The following ADAMTSL1 variants were observed in gnomAD, a reference collection of about 807,000 sequenced individuals.
The protein encoded by ADAMTSL1 is ADAMTS like 1.
A neutral mutation model predicts 201.8 loss-of-function variants in ADAMTSL1; 126 were observed. The observed-to-expected ratio is 0.62, with a 90% CI of 0.54 to 0.72. The LOEUF is 0.72. Ranked by LOEUF, ADAMTSL1 falls within the 30% of genes least tolerant of loss-of-function variation. The pLI, the probability that ADAMTSL1 is intolerant of heterozygous loss-of-function variation, is 0.00. For missense variants in ADAMTSL1, 2,679 were observed against 2,277.8 expected, an observed-to-expected ratio of 1.18 and a Z score of -3.59; for synonymous variants, 1,121 against 903.4, an observed-to-expected ratio of 1.24 and a Z score of -4.32.
intron 2 of ADAMTSL1, among the ~76,000 whole-genome samples, chr9:18,446,525 C>T (rs1820198301): frequency 6.6e-6 from 1 of 152,218 alleles, no homozygotes; most frequent in South Asian, 2.1e-4. Flanking sequence ...GATGCCTGTG[C>T]AGGCAATTGG....
rs564838587 is a variant in ADAMTSL1, at chr9:18,220,597, T to C, written c.207+56616T>C. Among the ~76,000 whole-genome samples the C allele has an allele frequency of 5.3e-5, 8 of 152,242 alleles. No individual in the cohort carries two copies. In the South Asian group the frequency reaches 6.2e-4, roughly 12 times the overall value. ...AATTCTTTAACTGGTAAACTTGTTG[T>C]GTAGTAGTTGTGAATACTGGCATGT... On this transcript the variant is annotated intron_variant, in intron 2 of 29. Coordinates refer to the ADAMTSL1 transcript ENST00000680146.
intron 1 of ADAMTSL1, among the ~76,000 whole-genome samples, chr9:18,047,889 G>A (rs2131655925): frequency 6.6e-6 from 1 of 152,310 alleles, no homozygotes; most frequent in South Asian, 2.1e-4. Flanking sequence ...GCAGTAGGGA[G>A]GATTGCAGAG....
chr9:18,895,109 G>T (rs751112759), intron 26 of ADAMTSL1, among the ~76,000 whole-genome samples: 2 of 152,200 alleles, frequency 1.3e-5, no homozygotes, highest in African/African-American at 2.4e-5. Flanking sequence ...CAGTGTAAAA[G>T]TAGGCACTGA....
At chr9:18,451,832 T>C (rs76773440) in intron 2 of ADAMTSL1, among the ~76,000 whole-genome samples, 2,902 of 152,344 alleles carry the variant, frequency 0.019, 64 homozygotes, top group South Asian at 0.07. Context: ...AGGGCCCACA[T>C]CTGGCAAGGG....
intron 4 of ADAMTSL1, among the ~76,000 whole-genome samples, chr9:18,582,457 A>G (rs551209637): frequency 8.1e-4 from 123 of 152,324 alleles, no homozygotes; most frequent in Non-Finnish European, 9.4e-4. Context: ...ATGTTGTGGG[A>G]GGAACCCGGT....
intron 2 of ADAMTSL1, among the ~76,000 whole-genome samples, chr9:18,418,693 A>G (rs1223254519): frequency 6.6e-6 from 1 of 152,220 alleles, no homozygotes; most frequent in Non-Finnish European, 1.5e-5. Context: ...GAAATCAAAG[A>G]AGACCTAAGT....
At chr9:18,513,991 A>G (rs1418536474) in intron 2 of ADAMTSL1, among the ~76,000 whole-genome samples, 1 of 152,168 alleles carries the variant, frequency 6.6e-6, no homozygotes, top group Non-Finnish European at 1.5e-5. Flanking sequence ...TTTGTTTCAT[A>G]TGAATTTTAG....
At chr9:18,718,469 T>C (rs1833105428) in intron 14 of ADAMTSL1, 1 of 593,260 alleles carries the variant, frequency 1.7e-6, no homozygotes, top group African/African-American at 1.8e-5. Context: ...AAATTGTACA[T>C]TCAAAGCAGA....
At chr9:18,731,247 T>C (rs1308523868) in intron 15 of ADAMTSL1, among the ~76,000 whole-genome samples, 2 of 152,204 alleles carry the variant, frequency 1.3e-5, no homozygotes, top group Non-Finnish European at 2.9e-5. Flanking sequence ...CAGACAGATG[T>C]TGGCTTTCTC....
At chr9:18,500,217 C>T (rs2131901700) in intron 1 of ADAMTSL1, among the ~76,000 whole-genome samples, 1 of 152,216 alleles carries the variant, frequency 6.6e-6, no homozygotes, top group East Asian at 1.9e-4. Context: ...GACTTTGTTG[C>T]TGCAATTGGC....
chr9:18,624,449 A>G (rs1476264315), intron 5 of ADAMTSL1, among the ~76,000 whole-genome samples: 2 of 152,240 alleles, frequency 1.3e-5, no homozygotes, highest in Non-Finnish European at 2.9e-5. Flanking sequence ...TAAAAGAATT[A>G]AAATCCTCTA....
At chr9:18,198,300 C>T (rs1270845920) in intron 2 of ADAMTSL1, among the ~76,000 whole-genome samples, 3 of 149,448 alleles carry the variant, frequency 2.0e-5, no homozygotes, top group Non-Finnish European at 4.5e-5. Context: ...GCAAAAGAAA[C>T]TACCATCAGA....
At chr9:18,452,039 G>A (rs1018316813) in intron 2 of ADAMTSL1, among the ~76,000 whole-genome samples, 27 of 152,182 alleles carry the variant, frequency 1.8e-4, no homozygotes, top group African/African-American at 6.0e-4. Flanking sequence ...TCAGCCTCCC[G>A]AGTAGCTGGG....
intron 16 of ADAMTSL1, among the ~76,000 whole-genome samples, chr9:18,768,688 A>C (rs1820506880): frequency 1.3e-5 from 2 of 152,322 alleles, no homozygotes; most frequent in East Asian, 1.9e-4. Context: ...TAAAAGGCTT[A>C]ACTAGACAAA....
rs1372765532 is a variant in ADAMTSL1 at position 18,771,366 on chromosome 9, C to T, written c.2397+585C>T. Among the ~76,000 whole-genome samples the T allele has an allele frequency of 2.0e-5, 3 of 152,214 alleles. No individual in the cohort carries two copies. In the East Asian group the frequency reaches 5.8e-4, roughly 29 times the overall value. ...TTTGGGAAGTGATTGCTTCAGCATTCACCATTCCCGACTTTATCTGCTAAG... is the reference window on the plus strand; with the variant it reads ...TTTGGGAAGTGATTGCTTCAGCATTTACCATTCCCGACTTTATCTGCTAAG... On this transcript the variant is annotated intron_variant, in intron 17 of 28. Coordinates refer to ENST00000380548, the MANE Select transcript of ADAMTSL1 (RefSeq NM_001040272.6).
At chr9:18,900,462 A>AG in intron 26 of ADAMTSL1, among the ~76,000 whole-genome samples, 1 of 149,538 alleles carries the variant, frequency 6.7e-6, no homozygotes, top group Non-Finnish European at 1.5e-5. Flanking sequence ...ATTCTATTAC[A>AG]AAGATACATG....
chr9:18,173,813 G>A (rs1390542926), intron 2 of ADAMTSL1, among the ~76,000 whole-genome samples: 1 of 152,068 alleles, frequency 6.6e-6, no homozygotes, highest in Non-Finnish European at 1.5e-5. Context: ...CTTTTGGGGG[G>A]CATTTTCACG....
chr9:17,919,902 T>C (rs1029850724), intron 1 of ADAMTSL1, among the ~76,000 whole-genome samples: 1 of 152,088 alleles, frequency 6.6e-6, no homozygotes, highest in African/African-American at 2.4e-5. Flanking sequence ...GCCAGAGTGT[T>C]TTCCAAACCT....
intron 1 of ADAMTSL1, among the ~76,000 whole-genome samples, chr9:18,497,043 T>C (rs1822567559): frequency 1.3e-5 from 2 of 152,344 alleles, no homozygotes; most frequent in East Asian, 1.9e-4. Flanking sequence ...CTTCACTGTT[T>C]TCCTTGGTGT....
Sources: gnomAD v4.1 joint callset for allele counts (sites outside exome capture counted in the v4.1 genomes callset) on GRCh38, gnomAD v4.1.1 for gene constraint, MANE v1.5 for transcripts, NCBI Gene and HGNC (gene_info 2026-07-23, HGNC 2026-07-21) for gene names.